Variants in CRB2 observed in about 807,000 individuals in gnomAD.
CRB2 encodes the protein crumbs cell polarity complex component 2, also known as protein crumbs homolog 2.
CRB2 carries 85 observed loss-of-function variants against 110.9 expected under a neutral mutation model. That is an observed-to-expected ratio of 0.77 (90% confidence interval 0.64 to 0.92). The LOEUF is 0.92. Ranked by LOEUF, CRB2 falls within the 40% of genes least tolerant of loss-of-function variation. The pLI, the probability that CRB2 is intolerant of heterozygous loss-of-function variation, is 0.00. For synonymous variants in CRB2, 907 were observed against 831.0 expected (o/e 1.09, Z -1.57); for missense variants, 1,843 against 1,851.3 (o/e 1.00, Z 0.08).
At chr9:123,372,942 T>G (rs1406161627) in intron 9 of CRB2, among the ~76,000 whole-genome samples, 192 bp from the exon 10 acceptor site, 1 of 152,092 alleles carries the variant, frequency 6.6e-6, no homozygotes, top group East Asian at 1.9e-4. Flanking sequence ...TGCTCCTCCA[T>G]GGGTAGGAAA....
At position 123,373,967 on chromosome 9, in the gene CRB2, T is replaced by G. The variant is rs775414428; in HGVS notation, c.3389+47T>G. On this transcript the variant is annotated intron_variant, in intron 10 of 12. Transcript: ENST00000373631. ...GTGGGCTGCGAATGCCCCCTGGGGCTATGGTGGGGCAGAGAAGTCTGCCAG... is the reference window on the plus strand; with the variant it reads ...GTGGGCTGCGAATGCCCCCTGGGGCGATGGTGGGGCAGAGAAGTCTGCCAG... The G allele has an allele frequency of 7.1e-6, 11 of 1,549,552 alleles. No homozygotes were observed. In the South Asian group the frequency reaches 1.3e-4, roughly 18 times the overall value.
intron 11 of CRB2, among the ~76,000 whole-genome samples, 174 bp downstream of exon 11, chr9:123,374,869 G>A (rs1195542755): frequency 6.6e-6 from 1 of 152,250 alleles, no homozygotes; most frequent in Non-Finnish European, 1.5e-5. Flanking sequence ...CTGTGATACA[G>A]ACTGCTGCTG....
At position 123,373,416 on chromosome 9, in the gene CRB2, C is replaced by T. The variant is rs762790246; in HGVS notation, c.2885C>T (p.Ala962Val). Residue 962 changes from alanine (A) to valine (V), a missense_variant, in exon 10 of 13, where the codon GCC (alanine) becomes GTC (valine). Transcript: ENST00000373631. ...ADGAWHRVRL[A>V]MERPAATTSR... is the part of the protein sequence containing the mutation. ...GGTGCCTGGCACCGCGTGCGTCTGG[C>T]CATGGAGCGCCCGGCGGCCACCACC... 1.4e-6 allele frequency: 2 copies of T among 1,447,070 alleles called. No homozygotes were observed. Among genetic ancestry groups the T allele is most frequent in the African/African-American group, 3.0e-5 (2 of 67,334 alleles). The allele number at this position is 1,447,070 out of a possible 1,614,324, so 89.6% of individuals were successfully genotyped here.
chr9:123,372,381 G>T, intron 9 of CRB2, 39 bp downstream of exon 9: 1 of 1,555,772 alleles, frequency 6.4e-7, no homozygotes, highest in South Asian at 1.2e-5. Context: ...GCTGGGTGCT[G>T]GACACCTAAG....
rs1427241023 is a variant in CRB2 at position 123,371,083 on chromosome 9, C to T, written c.1941C>T (p.Ala647=). The part of the protein sequence containing the change: ...GPTCADEIPA[A]TFGLGGAPSS... ...CTCTCCCTGCAGAGATTCCTGCTGCCACCTTTGGCTTGGGAGGCGCCCCAA... is the reference window on the plus strand; with the variant it reads ...CTCTCCCTGCAGAGATTCCTGCTGCTACCTTTGGCTTGGGAGGCGCCCCAA... Residue 647 remains alanine, a synonymous_variant, in exon 8 of 13, where the codon GCC becomes GCT. Coordinates refer to ENST00000373631, the MANE Select transcript of CRB2 (RefSeq NM_173689.7). 1.2e-6 allele frequency: 2 copies of T among 1,612,558 alleles called. No homozygotes were observed. Among genetic ancestry groups the T allele is most frequent in the Non-Finnish European group, 1.7e-6 (2 of 1,179,542 alleles).
chr9:123,377,164 G>T lies in CRB2; in HGVS notation c.*102G>T. On this transcript the variant is annotated 3_prime_UTR_variant, in exon 13 of 13. Coordinates refer to ENST00000373631, the MANE Select transcript of CRB2 (RefSeq NM_173689.7). ...GGGCTCGGGACATTGCTACGGAAGT[G>T]TCCCCTTGGCTGGCAGCCTCTGCCT... 1 of 1,128,110 alleles carries T rather than the reference G, an allele frequency of 8.9e-7. No homozygotes were observed. Among genetic ancestry groups the T allele is most frequent in the Non-Finnish European group, 1.2e-6 (1 of 811,512 alleles). The allele number at this position is 1,128,110 out of a possible 1,614,324, so 69.9% of individuals were successfully genotyped here. A position where few individuals can be genotyped will look rare whatever the true frequency, so the allele number is the denominator to read the frequency against.
In CRB2 at chr9:123,363,595, A is replaced by AG. The variant is rs570252488; in HGVS notation, c.418+408dup. Reference sequence around the variant, plus strand: ...GTCATGTAGACACTGTCTACACGACAGTCACCATCAGCTCATTTGAACACT... The same window carrying AG: ...GTCATGTAGACACTGTCTACACGACAGGTCACCATCAGCTCATTTGAACACT... On this transcript the variant is annotated intron_variant, in intron 2 of 12. Coordinates refer to ENST00000373631, the MANE Select transcript of CRB2 (RefSeq NM_173689.7). Among the ~76,000 whole-genome samples, 1,033 of 152,244 alleles carry AG rather than the reference A, an allele frequency of 6.8e-3. 2 individuals carry two copies. Among genetic ancestry groups the AG allele is most frequent in the Non-Finnish European group, 0.011 (724 of 67,998 alleles).
intron 2 of CRB2, among the ~76,000 whole-genome samples, chr9:123,363,559 T>C (rs2041894501): frequency 6.6e-6 from 1 of 152,116 alleles, no homozygotes; most frequent in Non-Finnish European, 1.5e-5. Context: ...ACTTCAGGCC[T>C]GTGCCAAGCT....
chr9:123,379,339 C>A (rs768762315), downstream of CRB2, among the ~76,000 whole-genome samples: 4 of 152,202 alleles, frequency 2.6e-5, no homozygotes, highest in Non-Finnish European at 5.9e-5. Flanking sequence ...GGCGACTTGC[C>A]AGGTGTCCCC....
At position 123,377,070 on chromosome 9, in the gene CRB2, T is replaced by C. The variant is rs760350462; in HGVS notation, c.*8T>C. On this transcript the variant is annotated 3_prime_UTR_variant, in exon 13 of 13. Transcript: ENST00000373631. ...GAGGAGAGACTCATCTAGGCCAGCC[T>C]GGCTGCTGGCACCAGCACCTGGAGG... The C allele has an allele frequency of 6.5e-7, 1 of 1,534,810 alleles. No homozygotes were observed. The highest frequency in any genetic ancestry group is 1.3e-5 in the South Asian group (1 of 78,348).
Position 123,373,665 on chromosome 9 carries a change from C to A in CRB2, c.3134C>A (p.Pro1045His). 6.9e-7 allele frequency: 1 copy of A among 1,440,322 alleles called. No individual in the cohort carries two copies. The highest frequency in any genetic ancestry group is 9.0e-7 in the Non-Finnish European group (1 of 1,104,992). 89.2% of individuals were successfully genotyped at this position (1,440,322 alleles called of 1,614,324 possible). ...PGAREHFASW[P>H]GTPAPILGCR... The stretch of plus-strand genomic sequence containing the variant: ...GCCCGAGAGCACTTCGCGTCTTGGC[C>A]TGGGACGCCGGCCCCGATCCTCGGC... The change falls in exon 10 of 13, where the codon CCT becomes CAT. Residue 1045 changes from proline (P) to histidine (H), a missense_variant. Physicochemically the swap from Pro to His is moderately conservative, Grantham distance 77. Coordinates refer to ENST00000373631, the MANE Select transcript of CRB2 (RefSeq NM_173689.7).
chr9:123,368,537 A>G (rs1184620973), intron 6 of CRB2, among the ~76,000 whole-genome samples: 1 of 152,248 alleles, frequency 6.6e-6, no homozygotes, highest in African/African-American at 2.4e-5. Flanking sequence ...CCACAGCCCC[A>G]TGAGGCAGGG....
intron 2 of CRB2, 92 bp from the exon 3 acceptor site, chr9:123,365,825 G>C (rs2041922776): frequency 1.0e-6 from 1 of 974,114 alleles, no homozygotes; most frequent in South Asian, 1.9e-5. Context: ...ATGAATCCAC[G>C]AGTCTCTAAC....
In CRB2 at chr9:123,374,574, C is replaced by T. The variant is rs761690473; in HGVS notation, c.3390-5C>T. On this transcript the variant is annotated splice_polypyrimidine_tract_variant and splice_region_variant and intron_variant, in intron 10 of 12. Transcript: ENST00000373631. ...CACCCACTCCAGCCTCTGCTCTCTCCCCAGGTTGCCTGTCCCATCCAAGGA... is the reference window on the plus strand; with the variant it reads ...CACCCACTCCAGCCTCTGCTCTCTCTCCAGGTTGCCTGTCCCATCCAAGGA... The T allele has an allele frequency of 1.1e-4, 173 of 1,609,956 alleles. No individual in the cohort carries two copies. The highest frequency in any genetic ancestry group is 1.4e-4 in the Non-Finnish European group (170 of 1,177,100).
rs775086740 is a variant in CRB2, at chr9:123,367,562, G to A, written c.941-11G>A. The A allele has an allele frequency of 1.3e-6, 2 of 1,548,494 alleles. No individual in the cohort carries two copies. Among genetic ancestry groups the A allele is most frequent in the Non-Finnish European group, 8.7e-7 (1 of 1,146,514 alleles). The stretch of plus-strand genomic sequence containing the variant: ...GGGTGCAGGTGGGACCCACAGCTGG[G>A]CCTCTTACAGGAGCCGACTGCGGTG... On this transcript the variant is annotated splice_polypyrimidine_tract_variant and intron_variant, in intron 5 of 12. Coordinates refer to ENST00000373631, the MANE Select transcript of CRB2 (RefSeq NM_173689.7).
At chr9:123,360,319 C>T (rs919557535) in intron 1 of CRB2, among the ~76,000 whole-genome samples, 6 of 152,166 alleles carry the variant, frequency 3.9e-5, no homozygotes, top group East Asian at 3.9e-4. Flanking sequence ...CCTGCCAGGT[C>T]GGCCCAGGCA....
chr9:123,356,191 G>T (rs1000075295), upstream of CRB2: 6 of 1,087,958 alleles, frequency 5.5e-6, no homozygotes, highest in East Asian at 5.7e-5. Flanking sequence ...GAGGGACGAG[G>T]GGGGTGCGGA....
intron 9 of CRB2, 21 bp downstream of exon 9, chr9:123,372,363 G>T (rs1588216217): frequency 6.4e-7 from 1 of 1,568,430 alleles, no homozygotes; most frequent in East Asian, 2.2e-5. Context: ...GTCCTGGGCA[G>T]CTCCCGTGCT....
chr9:123,373,929 G>C lies in CRB2; in HGVS notation c.3389+9G>C. ...GGGGGCCCGCGCTGCAGGTGGGATG[G>C]CTGGGCAGGGGGGTGGGCTGCGAAT... is the stretch of plus-strand genomic sequence containing the variant. On this transcript the variant is annotated intron_variant, in intron 10 of 12. Transcript: ENST00000373631. The C allele has an allele frequency of 6.5e-7, 1 of 1,549,256 alleles. No homozygotes were observed. Among genetic ancestry groups the C allele is most frequent in the African/African-American group, 1.4e-5 (1 of 73,142 alleles).
Sources: gnomAD v4.1 joint callset for allele counts (sites outside exome capture counted in the v4.1 genomes callset) on GRCh38, gnomAD v4.1.1 for gene constraint, MANE v1.5 for transcripts, NCBI Gene and HGNC (gene_info 2026-07-23, HGNC 2026-07-21) for gene names.